Variants in CCDC88C observed in about 807,000 individuals in gnomAD.
CCDC88C encodes the protein protein Daple.
A neutral mutation model predicts 198.8 loss-of-function variants in CCDC88C; 131 were observed. The ratio of observed to expected loss-of-function variants is 0.66; its 90% CI spans 0.57 to 0.76. The LOEUF (loss-of-function observed/expected upper bound fraction) is 0.76. Among genes scored for constraint, CCDC88C ranks in the 30% least tolerant of loss-of-function variants. The pLI, the probability that CCDC88C is intolerant of heterozygous loss-of-function variation, is 0.00. For missense variants in CCDC88C, 2,553 were observed against 2,631.6 expected, an observed-to-expected ratio of 0.97 and a Z score of 0.65; for synonymous variants, 1,166 against 1,114.7, an observed-to-expected ratio of 1.05 and a Z score of -0.92.
At position 91,318,281 on chromosome 14, in the gene CCDC88C, T is replaced by C. The variant is rs137971692; in HGVS notation, c.1528-2494A>G. Among the ~76,000 whole-genome samples, 565 of 149,736 alleles carry C rather than the reference T, an allele frequency of 3.8e-3. 1 individual carries two copies. Among genetic ancestry groups the C allele is most frequent in the Middle Eastern group, 0.021 (6 of 284 alleles). On this transcript the variant is annotated intron_variant, in intron 13 of 29. Coordinates refer to ENST00000389857, the MANE Select transcript of CCDC88C (RefSeq NM_001080414.4). ...AAAAAAAAAAATTAGCTGGGCGTGG[T>C]GGTACGTGCCTGTGGTCCCAGCTAT...
chr14:91,299,866 A>G (rs1355362338), intron 21 of CCDC88C, 61 bp downstream of exon 21: 1 of 1,486,742 alleles, frequency 6.7e-7, no homozygotes, highest in Admixed American at 2.3e-5. Flanking sequence ...GTTGCTATGC[A>G]AGGAGAGTCT....
intron 22 of CCDC88C, among the ~76,000 whole-genome samples, chr14:91,294,790 T>G: frequency 6.6e-6 from 1 of 152,312 alleles, no homozygotes; most frequent in African/African-American, 2.4e-5. Flanking sequence ...GAGTCTCAGC[T>G]GGGATTACAG....
intron 3 of CCDC88C, among the ~76,000 whole-genome samples, chr14:91,369,246 C>T (rs1487395118): frequency 6.6e-6 from 1 of 152,166 alleles, no homozygotes. Context: ...CAATCACACC[C>T]GCCAGGCTGG....
chr14:91,380,771 A>T (rs1884739641), intron 3 of CCDC88C, among the ~76,000 whole-genome samples: 1 of 152,106 alleles, frequency 6.6e-6, no homozygotes. Context: ...GACAGAGGGA[A>T]GGGGCGGGGG....
chr14:91,375,442 T>C (rs948377798), intron 3 of CCDC88C, among the ~76,000 whole-genome samples: 1 of 152,178 alleles, frequency 6.6e-6, no homozygotes, highest in Non-Finnish European at 1.5e-5. Flanking sequence ...TTCTTCCTTT[T>C]TTCCTTTAAG....
Position 91,273,827 on chromosome 14 carries a change from T to C in CCDC88C, c.5059-174A>G, listed in dbSNP as rs1311881140. Among the ~76,000 whole-genome samples, 1 of 151,940 alleles carries C rather than the reference T, an allele frequency of 6.6e-6. No individual in the cohort carries two copies. Among genetic ancestry groups the C allele is most frequent in the African/African-American group, 2.4e-5 (1 of 41,378 alleles). On this transcript the variant is annotated intron_variant, in intron 29 of 29. Coordinates refer to ENST00000389857, the MANE Select transcript of CCDC88C (RefSeq NM_001080414.4). The surrounding 1 kb of genome is among the most constrained non-coding windows in gnomAD (Gnocchi z 5.6). ...CCACACACACCAGCCCTGGGCAGGA[T>C]GGTGAGGGTGGCTAAGGCAGCATGG...
rs1390010904 is a variant in CCDC88C, at chr14:91,339,999, A to C, written c.509T>G (p.Phe170Cys). 2.5e-6 allele frequency: 4 copies of C among 1,609,184 alleles called. No individual in the cohort carries two copies. Among genetic ancestry groups the C allele is most frequent in the Non-Finnish European group, 3.4e-6 (4 of 1,178,350 alleles). The change falls in exon 7 of 30, where the codon TTT becomes TGT. Residue 170 changes from phenylalanine (F) to cysteine (C), a missense_variant. Phe to Cys is a radical substitution (Grantham distance 205). This residue lies in a region of CCDC88C where 1,260 missense variants were observed against 1,412.0 expected (regional missense o/e 0.89). Transcript: ENST00000389857. This position sits in a 1 kb window ranked among gnomAD's most constrained non-coding sequence, Gnocchi z 5.8. ...QEVTHNQENV[F>C]DLQWLELPDV... ...GGGCAGCTCCAGCCACTGCAGGTCA[A>C]ACACGTTCTCTTGGTTGTGAGTCAC... is the stretch of plus-strand genomic sequence containing the variant.
Position 91,313,753 on chromosome 14 carries a change from A to G in CCDC88C, c.2063T>C (p.Val688Ala). The G allele has an allele frequency of 1.2e-6, 2 of 1,607,856 alleles. No homozygotes were observed. The highest frequency in any genetic ancestry group is 1.7e-6 in the Non-Finnish European group (2 of 1,179,704). Residue 688 changes from valine (V) to alanine (A), a missense_variant, in exon 15 of 30, where the codon GTG (valine) becomes GCG (alanine). By Grantham distance (64) the Val-to-Ala change is moderately conservative (BLOSUM62 0). This residue lies in a region of CCDC88C where 1,260 missense variants were observed against 1,412.0 expected (regional missense o/e 0.89). Coordinates refer to ENST00000389857, the MANE Select transcript of CCDC88C (RefSeq NM_001080414.4). The surrounding 1 kb of genome is among the most constrained non-coding windows in gnomAD (Gnocchi z 5.2). The part of the protein sequence containing the change: ...LRKSLDTLQN[V>A]SLQLEGLERD... ...CTCCAGGCCCTCAAGCTGCAGGGAC[A>G]CGTTCTGCAAGGTGTCCAGAGACTT...
intron 4 of CCDC88C, among the ~76,000 whole-genome samples, chr14:91,346,338 A>G (rs1893546078): frequency 6.6e-6 from 1 of 152,246 alleles, no homozygotes; most frequent in Admixed American, 6.5e-5. Flanking sequence ...CACAGGGTCT[A>G]AGGCCACTTT....
At chr14:91,376,985 C>T (rs1171009612) in intron 3 of CCDC88C, among the ~76,000 whole-genome samples, 1 of 151,800 alleles carries the variant, frequency 6.6e-6, no homozygotes, top group East Asian at 1.9e-4. Context: ...AGCAAAGCTG[C>T]CTGCCCGCCC....
chr14:91,393,721 G>T (rs1390347494), intron 3 of CCDC88C, among the ~76,000 whole-genome samples: 1 of 152,162 alleles, frequency 6.6e-6, no homozygotes, highest in Non-Finnish European at 1.5e-5. Context: ...GGGCATGGTG[G>T]CCCATGCCTG....
Position 91,305,802 on chromosome 14 carries a change from T to G in CCDC88C, c.3320A>C (p.His1107Pro). 1 of 1,613,726 alleles carries G rather than the reference T, an allele frequency of 6.2e-7. No individual in the cohort carries two copies. The highest frequency in any genetic ancestry group is 8.5e-7 in the Non-Finnish European group (1 of 1,179,632). The change falls in exon 19 of 30, where the codon CAC becomes CCC. Residue 1107 changes from histidine (H) to proline (P), a missense_variant. Transcript: ENST00000389857. ...LQKQSAFLQE[H>P]NTTLQTQTAK... ...GGTCTGGGTCTGCAGTGTGGTGTTG[T>G]GCTCCTGCAGGAAGGCGCTCTGTTT...
chr14:91,388,291 T>A (rs543202818), intron 3 of CCDC88C, among the ~76,000 whole-genome samples: 1 of 152,326 alleles, frequency 6.6e-6, no homozygotes, highest in South Asian at 2.1e-4. Flanking sequence ...GCTCTGCTAT[T>A]AACTCACCAT....
Position 91,408,570 on chromosome 14 carries a change from G to A in CCDC88C, c.270+89C>T, listed in dbSNP as rs1428171052. The A allele has an allele frequency of 3.4e-5, 28 of 824,650 alleles. No homozygotes were observed. In the East Asian group the frequency reaches 4.1e-4, roughly 12 times the overall value. 51.1% of individuals were successfully genotyped at this position (824,650 alleles called of 1,614,324 possible). On this transcript the variant is annotated intron_variant, in intron 3 of 29. Coordinates refer to ENST00000389857, the MANE Select transcript of CCDC88C (RefSeq NM_001080414.4). The stretch of plus-strand genomic sequence containing the variant: ...AAGTAGAGGCCTAAACATAAGCACC[G>A]TTTCCTCCCGGCCTCCTGTGGGAAA...
intron 4 of CCDC88C, among the ~76,000 whole-genome samples, chr14:91,348,246 T>C (rs1282225157): frequency 6.6e-6 from 1 of 151,096 alleles, no homozygotes; most frequent in Non-Finnish European, 1.5e-5. Flanking sequence ...CCTCAAGTGA[T>C]CTGCTTGCCT....
At chr14:91,362,182 C>T (rs896919182) in intron 3 of CCDC88C, among the ~76,000 whole-genome samples, 19 of 150,922 alleles carry the variant, frequency 1.3e-4, no homozygotes, top group South Asian at 2.1e-4. Context: ...CGCAGGGAGC[C>T]GAGATCGCAC....
intron 4 of CCDC88C, among the ~76,000 whole-genome samples, chr14:91,346,192 T>C (rs577826207): frequency 5.3e-5 from 8 of 152,278 alleles, no homozygotes; most frequent in African/African-American, 1.9e-4. Flanking sequence ...AACTGAGAAA[T>C]AGCTAAAATT....
chr14:91,339,212 G>A lies in CCDC88C; in HGVS notation c.809+66C>T. On this transcript the variant is annotated intron_variant, in intron 8 of 29. Transcript: ENST00000389857. This position sits in a 1 kb window ranked among gnomAD's most constrained non-coding sequence, Gnocchi z 5.8. ...GCCATTGGCAGCACCACACATGTGAGTCGACACCACACCAGAAACATGTCT... is the reference window on the plus strand; with the variant it reads ...GCCATTGGCAGCACCACACATGTGAATCGACACCACACCAGAAACATGTCT... 1.3e-6 allele frequency: 2 copies of A among 1,570,220 alleles called. No homozygotes were observed. The highest frequency in any genetic ancestry group is 2.3e-5 in the East Asian group (1 of 43,648).
chr14:91,370,746 T>C (rs928481727), intron 3 of CCDC88C, among the ~76,000 whole-genome samples: 32 of 152,170 alleles, frequency 2.1e-4, no homozygotes, highest in African/African-American at 7.7e-4. Context: ...GGCGGGTCAG[T>C]AGGTGGACAC....
Sources: gnomAD v4.1 joint callset for allele counts (sites outside exome capture counted in the v4.1 genomes callset) on GRCh38, gnomAD v4.1.1 for gene constraint, gnomAD v4.1.1 regional missense constraint, Gnocchi (gnomAD v3.1) non-coding constraint, MANE v1.5 for transcripts, NCBI Gene and HGNC (gene_info 2026-07-23, HGNC 2026-07-21) for gene names.